The following KALRN variants were observed in gnomAD, a reference collection of about 807,000 sequenced individuals.
The protein encoded by KALRN is kalirin RhoGEF kinase.
A neutral mutation model predicts 353.7 loss-of-function variants in KALRN; 70 were observed. The ratio of observed to expected loss-of-function variants is 0.20; its 90% CI spans 0.16 to 0.24. The LOEUF (loss-of-function observed/expected upper bound fraction) is 0.24, where lower values mean the gene tolerates loss of function less well. Among genes scored for constraint, KALRN ranks in the 10% least tolerant of loss-of-function variants. The pLI is 1.00. For synonymous variants in KALRN, 1,391 were observed against 1,434.8 expected, an observed-to-expected ratio of 0.97 and a Z score of 0.69; for missense variants, 2,791 against 3,756.7, an observed-to-expected ratio of 0.74 and a Z score of 6.72.
At chr3:124,114,420 G>A (rs1218235624) in intron 1 of KALRN, among the ~76,000 whole-genome samples, 1 of 152,178 alleles carries the variant, frequency 6.6e-6, no homozygotes, top group Non-Finnish European at 1.5e-5. Context: ...TGAGGGCTCT[G>A]TGTGACATAT....
intron 25 of KALRN, among the ~76,000 whole-genome samples, chr3:124,464,436 G>A (rs2060136715): frequency 6.6e-6 from 1 of 152,040 alleles, no homozygotes; most frequent in African/African-American, 2.4e-5. Flanking sequence ...AAACAGTTTT[G>A]TAGTTTTCTA....
intron 45 of KALRN, among the ~76,000 whole-genome samples, chr3:124,664,776 T>G (rs1423268980): frequency 6.6e-6 from 1 of 152,220 alleles, no homozygotes; most frequent in Non-Finnish European, 1.5e-5. Flanking sequence ...ACCTGCTTTT[T>G]GCATTCCTTC....
At chr3:124,068,818 G>A (rs917790569) in intron 1 of KALRN, among the ~76,000 whole-genome samples, 1 of 152,306 alleles carries the variant, frequency 6.6e-6, no homozygotes, top group East Asian at 1.9e-4. Flanking sequence ...GTTGTGGAGG[G>A]GTAAAGAAGA....
chr3:124,475,224 C>T (rs1327957562), intron 26 of KALRN, among the ~76,000 whole-genome samples: 1 of 152,084 alleles, frequency 6.6e-6, no homozygotes, highest in Non-Finnish European at 1.5e-5. Flanking sequence ...CTTTGAGTTC[C>T]ACCTAACAAT....
chr3:124,358,301 G>A lies in KALRN; in HGVS notation c.1770+11036G>A, dbSNP rs75307030. On this transcript the variant is annotated intron_variant, in intron 10 of 59. Transcript: ENST00000682506. ...CCACTAATTTTCCATGATTTATCCA[G>A]CTGGGATCATTATCATCACACTGAG... Among the ~76,000 whole-genome samples the A allele has an allele frequency of 1.3e-3, 191 of 152,314 alleles. 1 individual carries two copies. The highest frequency in any genetic ancestry group is 4.6e-3 in the African/African-American group (191 of 41,574).
At chr3:124,371,021 T>A (rs148895771) in intron 10 of KALRN, among the ~76,000 whole-genome samples, 15 of 152,362 alleles carry the variant, frequency 9.8e-5, no homozygotes, top group African/African-American at 3.4e-4. Flanking sequence ...ATAAACTTTT[T>A]ATAAAGCATA....
intron 1 of KALRN, among the ~76,000 whole-genome samples, chr3:124,095,476 C>T (rs2149388387): frequency 6.6e-6 from 1 of 152,282 alleles, no homozygotes; most frequent in South Asian, 2.1e-4. Context: ...ACAGTAGGTG[C>T]TTAGTAAATA....
chr3:124,499,510 C>A (rs1341037511), intron 33 of KALRN, among the ~76,000 whole-genome samples: 1 of 152,208 alleles, frequency 6.6e-6, no homozygotes, highest in Non-Finnish European at 1.5e-5. Context: ...AATTATTTGG[C>A]AGACTGTGAG....
At chr3:124,369,765 C>T (rs1214120680) in intron 10 of KALRN, among the ~76,000 whole-genome samples, 2 of 149,728 alleles carry the variant, frequency 1.3e-5, no homozygotes, top group Non-Finnish European at 1.5e-5. Flanking sequence ...AGACCCCCCA[C>T]CTCACCACCC....
chr3:124,278,035 G>A (rs573412752), intron 5 of KALRN, among the ~76,000 whole-genome samples: 2 of 99,658 alleles, frequency 2.0e-5, no homozygotes, highest in Admixed American at 2.0e-4. Context: ...TGTGGTGCAG[G>A]GCAGTAACTG....
At chr3:124,256,914 A>G (rs1317952845) in intron 3 of KALRN, among the ~76,000 whole-genome samples, 1 of 152,220 alleles carries the variant, frequency 6.6e-6, no homozygotes, top group Non-Finnish European at 1.5e-5. Flanking sequence ...ACATGCAGCA[A>G]TACTGGGGAG....
At chr3:124,322,185 A>G (rs2079403622) in intron 6 of KALRN, among the ~76,000 whole-genome samples, 1 of 152,214 alleles carries the variant, frequency 6.6e-6, no homozygotes, top group Non-Finnish European at 1.5e-5. Flanking sequence ...CAGAGCCAGC[A>G]TGAGGTGCTG....
At chr3:124,054,258 T>C (rs7628642) in intron 1 of KALRN, among the ~76,000 whole-genome samples, 145,789 of 152,050 alleles carry the variant, frequency 0.96, 70,216 homozygotes, top group East Asian at 1. Context: ...TGTTGTGGCT[T>C]CCACCTATAA....
chr3:124,512,789 A>G (rs548750384), intron 33 of KALRN, among the ~76,000 whole-genome samples: 7 of 152,336 alleles, frequency 4.6e-5, no homozygotes, highest in African/African-American at 1.7e-4. Context: ...GCATATATGT[A>G]TATATGAAGA....
rs752124472 is a variant in KALRN at position 124,269,204 on chromosome 3, C to T, written c.918C>T (p.Leu306=). Reference sequence around the variant, plus strand: ...ACCAGATGTGGCATGTGCGCAAGCTCAAGCTGGACCAGTGCTTTCAGCTGC... The same window carrying T: ...ACCAGATGTGGCATGTGCGCAAGCTTAAGCTGGACCAGTGCTTTCAGCTGC... ...HLHQMWHVRK[L]KLDQCFQLRL... Residue 306 remains leucine, a synonymous_variant, in exon 5 of 60, where the codon CTC becomes CTT. Coordinates refer to ENST00000682506, the MANE Select transcript of KALRN (RefSeq NM_001388419.1). The T allele has an allele frequency of 1.9e-6, 3 of 1,608,236 alleles. No individual in the cohort carries two copies. Among genetic ancestry groups the T allele is most frequent in the Admixed American group, 3.3e-5 (2 of 59,938 alleles).
At chr3:124,152,696 C>T (rs1290812935) in intron 1 of KALRN, among the ~76,000 whole-genome samples, 4 of 150,080 alleles carry the variant, frequency 2.7e-5, no homozygotes, top group South Asian at 4.2e-4. Context: ...CGGGTTCAAG[C>T]GATTCTCCTG....
chr3:124,116,480 A>G (rs2063473420), intron 1 of KALRN, among the ~76,000 whole-genome samples: 1 of 152,226 alleles, frequency 6.6e-6, no homozygotes, highest in Non-Finnish European at 1.5e-5. Flanking sequence ...TGACAAAGTC[A>G]TTCAGCCTGG....
chr3:124,342,391 A>G (rs999393359), intron 9 of KALRN, among the ~76,000 whole-genome samples: 3 of 152,218 alleles, frequency 2.0e-5, no homozygotes, highest in Non-Finnish European at 2.9e-5. Flanking sequence ...TCTTCCACAT[A>G]TAAGTGAGAA....
intron 1 of KALRN, among the ~76,000 whole-genome samples, chr3:124,221,808 A>C (rs1172136600): frequency 6.6e-6 from 1 of 152,180 alleles, no homozygotes; most frequent in Non-Finnish European, 1.5e-5. Context: ...TTTTTTATCC[A>C]GTCTGGTAGC....
Sources: allele counts gnomAD v4.1 joint callset (sites outside exome capture counted in the v4.1 genomes callset), GRCh38; gene constraint gnomAD v4.1.1; transcripts MANE v1.5; gene names NCBI Gene and HGNC (gene_info 2026-07-23, HGNC 2026-07-21).